Variants in SLC15A3 observed in about 807,000 individuals in gnomAD.
SLC15A3 encodes osteoclast transporter.
Under a neutral mutation model 49.2 loss-of-function variants are expected in SLC15A3, and 39 were observed. The ratio of observed to expected loss-of-function variants is 0.79; its 90% CI spans 0.61 to 1.04. SLC15A3 has a LOEUF of 1.04. Among genes scored for constraint, SLC15A3 ranks in the 50% least tolerant of loss-of-function variants. The pLI is 0.00. For synonymous variants in SLC15A3, 339 were observed against 367.0 expected, an observed-to-expected ratio of 0.92 and a Z score of 0.87; for missense variants, 758 against 794.8, an observed-to-expected ratio of 0.95 and a Z score of 0.56.
chr11:60,944,855 G>T (rs908867565), intron 2 of SLC15A3, among the ~76,000 whole-genome samples: 4 of 152,162 alleles, frequency 2.6e-5, no homozygotes, highest in Admixed American at 2.6e-4. Context: ...TTTGCCCTTT[G>T]CCCTTTGTCC....
rs539326508 is a variant in SLC15A3 at position 60,937,136 on chromosome 11, G to A, written c.*83C>T. On this transcript the variant is annotated 3_prime_UTR_variant, in exon 8 of 8. Coordinates refer to ENST00000227880, the MANE Select transcript of SLC15A3 (RefSeq NM_016582.3). ...TTATGGGAACCATTTCATTCTAACAGAATAAACCGAGAAGGAAACCAGAGC... is the reference window on the plus strand; with the variant it reads ...TTATGGGAACCATTTCATTCTAACAAAATAAACCGAGAAGGAAACCAGAGC... 7.8e-5 allele frequency: 119 copies of A among 1,533,822 alleles called. No individual in the cohort carries two copies. In the African/African-American group the frequency reaches 1.6e-3, roughly 21 times the overall value.
chr11:60,939,845 C>A (rs1856684728), intron 5 of SLC15A3: 2 of 587,504 alleles, frequency 3.4e-6, no homozygotes, highest in Non-Finnish European at 3.0e-6. Flanking sequence ...CTAGAAGCTC[C>A]AAGCTGAGTT....
At chr11:60,949,242 A>G (rs916396248) in intron 1 of SLC15A3, among the ~76,000 whole-genome samples, 2 of 151,918 alleles carry the variant, frequency 1.3e-5, no homozygotes, top group African/African-American at 4.8e-5. Context: ...AGGCTGAGGC[A>G]GGGAGAATTG....
At chr11:60,944,204 C>G (rs1276783473) in intron 2 of SLC15A3, among the ~76,000 whole-genome samples, 1 of 152,118 alleles carries the variant, frequency 6.6e-6, no homozygotes, top group Non-Finnish European at 1.5e-5. Flanking sequence ...ATCTTCCCCA[C>G]CACCTCAGCC....
intron 7 of SLC15A3, 191 bp downstream of exon 7, chr11:60,937,679 C>A: frequency 1.3e-6 from 1 of 758,106 alleles, no homozygotes; most frequent in African/African-American, 1.8e-5. Context: ...AAGTTCAACA[C>A]TTGGGGAAAG....
At position 60,939,644 on chromosome 11, in the gene SLC15A3, G is replaced by A. The variant is rs1856681887; in HGVS notation, c.1277-6C>T. On this transcript the variant is annotated splice_polypyrimidine_tract_variant and splice_region_variant and intron_variant, in intron 5 of 7. Coordinates refer to ENST00000227880, the MANE Select transcript of SLC15A3 (RefSeq NM_016582.3). Reference sequence around the variant, plus strand: ...GCGCTCCATCTCCAGGACTCCTGGTGGAGGAGCAGAGGGGGATTATAGTCA... The same window carrying A: ...GCGCTCCATCTCCAGGACTCCTGGTAGAGGAGCAGAGGGGGATTATAGTCA... The A allele has an allele frequency of 6.2e-7, 1 of 1,613,868 alleles. No homozygotes were observed. Among genetic ancestry groups the A allele is most frequent in the African/African-American group, 1.3e-5 (1 of 75,058 alleles).
In SLC15A3 at chr11:60,946,806, G is replaced by A. The variant is rs773095907; in HGVS notation, c.574C>T (p.Arg192Cys). The change falls in exon 2 of 8, where the codon CGC (arginine) becomes TGC (cysteine). Residue 192 changes from arginine (R) to cysteine (C), a missense_variant. Arg to Cys is a radical substitution (Grantham distance 180, BLOSUM62 -3). Transcript: ENST00000227880. ...TTGAAGAAGCGGCGGGTGGCGTCGC[G>A]GCCGAGATCCATCACCTGCCATTCA... is the stretch of plus-strand genomic sequence containing the variant. Reference protein sequence around the residue: ...FGADQVMDLGRDATRRFFNWF... With the variant: ...FGADQVMDLGCDATRRFFNWF... 9.1e-5 allele frequency: 146 copies of A among 1,610,044 alleles called. No individual in the cohort carries two copies. Among genetic ancestry groups the A allele is most frequent in the Non-Finnish European group, 1.1e-4 (127 of 1,178,970 alleles).
Position 60,950,987 on chromosome 11 carries a change from C to T in SLC15A3, c.558+7G>A. On this transcript the variant is annotated splice_region_variant and intron_variant, in intron 1 of 7. Transcript: ENST00000227880. Reference sequence around the variant, plus strand: ...GAGTATGCCGGGGCAGGCCTCCTGCCACTCACCTGGTCGGCACCGAAGGAG... The same window carrying T: ...GAGTATGCCGGGGCAGGCCTCCTGCTACTCACCTGGTCGGCACCGAAGGAG... 1 of 1,442,964 alleles carries T rather than the reference C, an allele frequency of 6.9e-7. No individual in the cohort carries two copies. Among genetic ancestry groups the T allele is most frequent in the Non-Finnish European group, 9.1e-7 (1 of 1,104,828 alleles). 89.4% of individuals were successfully genotyped at this position (1,442,964 alleles called of 1,614,324 possible). A position where few individuals can be genotyped will look rare whatever the true frequency, so the allele number is the denominator to read the frequency against.
At chr11:60,938,542 C>T (rs181771496) in intron 6 of SLC15A3, among the ~76,000 whole-genome samples, 3 of 152,122 alleles carry the variant, frequency 2.0e-5, no homozygotes, top group East Asian at 1.9e-4. Flanking sequence ...TAAAGGACCT[C>T]GGATGGGGTC....
Position 60,939,622 on chromosome 11 carries a change from C to T in SLC15A3, c.1293G>A (p.Glu431=). 2 of 1,614,134 alleles carry T rather than the reference C, an allele frequency of 1.2e-6. No individual in the cohort carries two copies. The highest frequency in any genetic ancestry group is 1.1e-5 in the South Asian group (1 of 91,074). ...SVIVAGVLEM[E]RLHYIHHNET... ...CGTTGTGGTGGATGTAGTGTAAGCG[C>T]TCCATCTCCAGGACTCCTGGTGGAG... The change falls in exon 6 of 8, where the codon GAG becomes GAA. Residue 431 remains glutamate (E), a synonymous_variant. Transcript: ENST00000227880.
At position 60,952,057 on chromosome 11, in the gene SLC15A3, C is replaced by T. The variant is rs779477274; in HGVS notation, c.-506G>A. On this transcript the variant is annotated 5_prime_UTR_variant, in exon 1 of 8. Coordinates refer to ENST00000227880, the MANE Select transcript of SLC15A3 (RefSeq NM_016582.3). The stretch of plus-strand genomic sequence containing the variant: ...CCCCAGTCACCCTGCTGCCCCTTGC[C>T]GTCTTCTCCACCTCCTCCCTGTCCC... 6.6e-6 allele frequency among the ~76,000 whole-genome samples: 1 copy of T among 151,938 alleles called. No individual in the cohort carries two copies. The highest frequency in any genetic ancestry group is 1.5e-5 in the Non-Finnish European group (1 of 67,924).
At position 60,942,083 on chromosome 11, in the gene SLC15A3, G is replaced by T. The variant is rs200292846; in HGVS notation, c.1059C>A (p.Asn353Lys). ...TCAGGGCCACAGAGATGTTGGCCGG[G>T]TTGGCTGGGAAAATGTTTGGGATGT... ...HLHIPNIFPA[N>K]PANISVALRA... The change falls in exon 4 of 8, where the codon AAC becomes AAA. Residue 353 changes from asparagine (N) to lysine (K), a missense_variant. By Grantham distance (94) the Asn-to-Lys change is moderately conservative. Coordinates refer to ENST00000227880, the MANE Select transcript of SLC15A3 (RefSeq NM_016582.3). 2 of 1,614,144 alleles carry T rather than the reference G, an allele frequency of 1.2e-6. No homozygotes were observed. Among genetic ancestry groups the T allele is most frequent in the Non-Finnish European group, 1.7e-6 (2 of 1,179,988 alleles).
chr11:60,939,614 T>A lies in SLC15A3; in HGVS notation c.1301A>T (p.His434Leu). The change falls in exon 6 of 8, where the codon CAC becomes CTC. Residue 434 changes from histidine to leucine, a missense_variant. His to Leu is a moderately conservative substitution (Grantham distance 99, BLOSUM62 -3). Coordinates refer to ENST00000227880, the MANE Select transcript of SLC15A3 (RefSeq NM_016582.3). Reference protein sequence around the residue: ...VAGVLEMERLHYIHHNETVSQ... With the variant: ...VAGVLEMERLLYIHHNETVSQ... ...CACGGTCTCGTTGTGGTGGATGTAG[T>A]GTAAGCGCTCCATCTCCAGGACTCC... The A allele has an allele frequency of 1.2e-6, 2 of 1,614,010 alleles. No homozygotes were observed. Among genetic ancestry groups the A allele is most frequent in the Non-Finnish European group, 1.7e-6 (2 of 1,179,962 alleles).
intron 2 of SLC15A3, among the ~76,000 whole-genome samples, chr11:60,946,193 C>G (rs895515504): frequency 6.6e-6 from 1 of 151,998 alleles, no homozygotes; most frequent in South Asian, 2.1e-4. Flanking sequence ...GAGGTTTCAC[C>G]ATGTTGCCCA....
intron 6 of SLC15A3, 152 bp downstream of exon 6, chr11:60,939,328 C>T (rs1590635637): frequency 4.6e-6 from 4 of 872,742 alleles, no homozygotes; most frequent in South Asian, 3.6e-5. Context: ...TAATTATAGA[C>T]CCCCGTTGGG....
intron 3 of SLC15A3, 40 bp from the exon 4 acceptor site, chr11:60,942,185 C>T (rs1228058177): frequency 1.9e-6 from 3 of 1,564,248 alleles, no homozygotes; most frequent in Non-Finnish European, 1.8e-6. Flanking sequence ...ACAGAAACGG[C>T]CATGCCCCCT....
rs1285492330 is a variant in SLC15A3 at position 60,951,147 on chromosome 11, G to A, written c.405C>T (p.Pro135=). 2.7e-6 allele frequency: 4 copies of A among 1,488,202 alleles called. No individual in the cohort carries two copies. The highest frequency in any genetic ancestry group is 2.3e-5 in the Admixed American group (1 of 44,038). 92.2% of individuals were successfully genotyped at this position (1,488,202 alleles called of 1,614,324 possible). A position where few individuals can be genotyped will look rare whatever the true frequency, so the allele number is the denominator to read the frequency against. The change falls in exon 1 of 8, where the codon CCC becomes CCT. Residue 135 remains proline, a synonymous_variant. Coordinates refer to ENST00000227880, the MANE Select transcript of SLC15A3 (RefSeq NM_016582.3). ...GGCAGGCAGGTCCCAGCGGCGACGC[G>A]GGCATCTCTCCGCAGAAGGAGCTGC... is the stretch of plus-strand genomic sequence containing the variant. ...DGRSSFCGEM[P]ASPLGPACPS...
chr11:60,941,022 C>G (rs1856699825), intron 5 of SLC15A3, 100 bp downstream of exon 5: 1 of 1,373,504 alleles, frequency 7.3e-7, no homozygotes, highest in African/African-American at 1.5e-5. Context: ...CTGGGAGAGG[C>G]TGAACTTGGT....
rs1156242520 is a variant in SLC15A3 at position 60,937,250 on chromosome 11, G to C, written c.1715C>G (p.Ser572Cys). The C allele has an allele frequency of 6.2e-7, 1 of 1,614,010 alleles. No individual in the cohort carries two copies. Among genetic ancestry groups the C allele is most frequent in the African/African-American group, 1.3e-5 (1 of 74,938 alleles). ...RYERASQGPASHSRFSRDRG is the reference protein window; with the variant it reads ...RYERASQGPACHSRFSRDRG The stretch of plus-strand genomic sequence containing the variant: ...CCTGTCCCTGCTGAAACGGCTGTGG[G>C]AGGCTGGGCCCTGGGACGCCCTCTC... The change falls in exon 8 of 8, where the codon TCC (serine) becomes TGC (cysteine). Residue 572 changes from serine to cysteine, a missense_variant. Ser to Cys is a moderately radical substitution (Grantham distance 112). Around this residue, in one of 3 missense-constraint regions of SLC15A3, gnomAD observed 699 missense variants for 706.7 expected, o/e 0.99. Transcript: ENST00000227880.
Sources: allele counts gnomAD v4.1 joint callset (sites outside exome capture counted in the v4.1 genomes callset), GRCh38; gene constraint gnomAD v4.1.1; regional missense constraint gnomAD v4.1.1; transcripts MANE v1.5; gene names NCBI Gene and HGNC (gene_info 2026-07-23, HGNC 2026-07-21).